ABI3BP: variants seen among roughly 807,000 people sequenced by gnomAD.
ABI3BP encodes target of Nesh-SH3.
In ABI3BP, 216 loss-of-function variants were observed where a neutral mutation model predicts 268.6. That is an observed-to-expected ratio of 0.80 (90% confidence interval 0.72 to 0.90). The LOEUF (loss-of-function observed/expected upper bound fraction) is 0.90, where lower values mean the gene tolerates loss of function less well. Among genes scored for constraint, ABI3BP ranks in the 40% least tolerant of loss-of-function variants. The pLI is 0.00. For synonymous variants in ABI3BP, 730 were observed against 730.0 expected (o/e 1.00, Z 0.00); for missense variants, 2,090 against 2,182.4 (o/e 0.96, Z 0.84).
chr3:100,877,908 T>C (rs68184622), intron 6 of ABI3BP, among the ~76,000 whole-genome samples: 59,894 of 152,014 alleles, frequency 0.39, 13,443 homozygotes, highest in Admixed American at 0.54. Flanking sequence ...TTTTAATAAG[T>C]GATATCCCTC....
intron 14 of ABI3BP, among the ~76,000 whole-genome samples, chr3:100,857,023 T>C (rs1434634028): frequency 3.4e-5 from 5 of 146,406 alleles, no homozygotes; most frequent in African/African-American, 5.2e-5. Context: ...GTAGGGGTAA[T>C]AGGACATTAG....
rs541374166 is a variant in ABI3BP at position 100,798,585 on chromosome 3, A to G, written c.3758-2117T>C. On this transcript the variant is annotated intron_variant, in intron 51 of 67. Transcript: ENST00000471714. ...TATTATTATAATTTTAGATTTAATTATATTAACCAACTTATACCATTTATA... is the reference window on the plus strand; with the variant it reads ...TATTATTATAATTTTAGATTTAATTGTATTAACCAACTTATACCATTTATA... 2.0e-5 allele frequency among the ~76,000 whole-genome samples: 3 copies of G among 152,042 alleles called. No individual in the cohort carries two copies. The South Asian group carries it at 6.2e-4, about 32-fold the overall frequency.
chr3:100,931,021 G>A (rs967720124), intron 1 of ABI3BP: 1 of 152,228 alleles, frequency 6.6e-6, no homozygotes, highest in Non-Finnish European at 1.5e-5. Flanking sequence ...TTTCTGAGTT[G>A]TAAGGTTGGC....
rs575309030 is a variant in ABI3BP, at chr3:100,751,557, T to A, written c.5240A>T (p.Lys1747Ile). The A allele has an allele frequency of 6.7e-5, 107 of 1,587,900 alleles. No homozygotes were observed. The highest frequency in any genetic ancestry group is 8.0e-5 in the Non-Finnish European group (93 of 1,165,832). The change falls in exon 67 of 68, where the codon AAA (lysine) becomes ATA (isoleucine). Residue 1747 changes from lysine (K) to isoleucine (I), a missense_variant. Physicochemically the swap from Lys to Ile is moderately radical, Grantham distance 102. Transcript: ENST00000471714. The part of the protein sequence containing the change: ...QQLTSDQLPI[K>I]EGYFRAVRQE... ...AGGAGGATCAGAAAACATACCTTCT[T>A]TGATTGGTAACTGGTCAGAAGTGAG...
At chr3:100,810,611 C>T (rs1347935021) in intron 48 of ABI3BP, 134 bp from the exon 49 acceptor site, 3 of 584,584 alleles carry the variant, frequency 5.1e-6, no homozygotes, top group Non-Finnish European at 8.8e-6. Flanking sequence ...AAACAGCATT[C>T]CTACTCCTTC....
intron 9 of ABI3BP, 47 bp downstream of exon 9, chr3:100,874,794 T>C (rs945905163): frequency 5.4e-6 from 6 of 1,117,020 alleles, no homozygotes; most frequent in Non-Finnish European, 7.9e-6. Context: ...ATATCAGTGC[T>C]AGTACTCAGT....
At position 100,838,477 on chromosome 3, in the gene ABI3BP, G is replaced by T. The variant is rs2098638837; in HGVS notation, c.1946-13C>A. 1.3e-6 allele frequency: 2 copies of T among 1,532,852 alleles called. No individual in the cohort carries two copies. Among genetic ancestry groups the T allele is most frequent in the East Asian group, 2.4e-5 (1 of 40,894 alleles). 95.0% of individuals were successfully genotyped at this position (1,532,852 alleles called of 1,614,324 possible). A position where few individuals can be genotyped will look rare whatever the true frequency, so the allele number is the denominator to read the frequency against. On this transcript the variant is annotated splice_polypyrimidine_tract_variant and intron_variant, in intron 24 of 67. Coordinates refer to ENST00000471714, the MANE Select transcript of ABI3BP (RefSeq NM_001375547.2). ...GATGGTTTTGAGGCTAAAGAAAAAG[G>T]TATTAAAATTACCACAATGGGTCAT... is the stretch of plus-strand genomic sequence containing the variant.
At chr3:100,894,958 A>AAAAAAAC (rs2046828820) in intron 4 of ABI3BP, among the ~76,000 whole-genome samples, 1 of 144,100 alleles carries the variant, frequency 6.9e-6, no homozygotes, top group Non-Finnish European at 1.5e-5. Flanking sequence ...AAAAAAAAAA[A>AAAAAAAC]AAAAAAAAAC....
chr3:100,789,365 G>C (rs973760358), intron 56 of ABI3BP, 89 bp downstream of exon 56: 1 of 1,246,174 alleles, frequency 8.0e-7, no homozygotes, highest in Non-Finnish European at 1.1e-6. Flanking sequence ...GCAATGTAAG[G>C]GTTCCCCTTT....
chr3:100,838,593 G>A, intron 24 of ABI3BP, 129 bp from the exon 25 acceptor site: 1 of 794,328 alleles, frequency 1.3e-6, no homozygotes, highest in Non-Finnish European at 2.0e-6. Flanking sequence ...GGTGTGGGAA[G>A]GGTGAAAAGA....
intron 9 of ABI3BP, among the ~76,000 whole-genome samples, chr3:100,871,376 T>A (rs2099107551): frequency 6.6e-6 from 1 of 152,204 alleles, no homozygotes; most frequent in African/African-American, 2.4e-5. Flanking sequence ...TTGGGTAGGA[T>A]TTTCCTTTGA....
At chr3:100,852,979 C>A (rs1365819483) in intron 14 of ABI3BP, among the ~76,000 whole-genome samples, 4 of 152,126 alleles carry the variant, frequency 2.6e-5, no homozygotes, top group Admixed American at 6.5e-5. Flanking sequence ...CTTGTCCATT[C>A]AAAATGGCAG....
chr3:100,775,302 G>A lies in ABI3BP; in HGVS notation c.4367C>T (p.Pro1456Leu), dbSNP rs1183515390. ...IISSGPITTPPLRSTPRPTGT... is the reference protein window; with the variant it reads ...IISSGPITTPLLRSTPRPTGT... ...AGTAGGCCTGGGTGTTGACCTCAGG[G>A]GTGGTGTAGTTATTGGGCCTGATGA... The change falls in exon 60 of 68, where the codon CCC becomes CTC. Residue 1456 changes from proline (P) to leucine (L), a missense_variant. Physicochemically the swap from Pro to Leu is moderately conservative, Grantham distance 98. Coordinates refer to ENST00000471714, the MANE Select transcript of ABI3BP (RefSeq NM_001375547.2). The A allele has an allele frequency of 6.2e-7, 1 of 1,608,134 alleles. No homozygotes were observed. Among genetic ancestry groups the A allele is most frequent in the Non-Finnish European group, 8.5e-7 (1 of 1,177,022 alleles).
In ABI3BP at chr3:100,864,736, G is replaced by A. The variant is rs147025888; in HGVS notation, c.1063+97C>T. 1.2e-4 allele frequency: 101 copies of A among 837,858 alleles called. No individual in the cohort carries two copies. The East Asian group carries it at 2.7e-3, about 22-fold the overall frequency. The allele number at this position is 837,858 out of a possible 1,614,324, so 51.9% of individuals were successfully genotyped here. A position where few individuals can be genotyped will look rare whatever the true frequency, so the allele number is the denominator to read the frequency against. On this transcript the variant is annotated intron_variant, in intron 11 of 67. Transcript: ENST00000471714. ...GAAAAGGAGAAAGTGGGGAGGGAGA[G>A]AGAAGTTAAGGCACCAGGTTTCTTT...
chr3:100,883,536 G>T (rs2040441338), intron 6 of ABI3BP, among the ~76,000 whole-genome samples: 1 of 152,020 alleles, frequency 6.6e-6, no homozygotes, highest in African/African-American at 2.4e-5. Context: ...AATAAGTGAA[G>T]AAACTACTGC....
chr3:100,790,554 T>C (rs1282381058), intron 55 of ABI3BP, among the ~76,000 whole-genome samples: 2 of 152,028 alleles, frequency 1.3e-5, no homozygotes, highest in South Asian at 4.1e-4. Flanking sequence ...AAACTTCCAA[T>C]GTAAAGACTG....
At chr3:100,949,682 A>G (rs573809543) in intron 1 of ABI3BP, among the ~76,000 whole-genome samples, 48 of 152,320 alleles carry the variant, frequency 3.2e-4, no homozygotes, top group African/African-American at 1.1e-3. Context: ...CATTGAATCC[A>G]TATGACAATT....
Position 100,749,425 on chromosome 3 carries a change from G to A in ABI3BP, c.*1070C>T. The A allele has an allele frequency of 2.6e-6, 1 of 386,530 alleles. No homozygotes were observed. The highest frequency in any genetic ancestry group is 4.6e-6 in the Non-Finnish European group (1 of 218,424). The allele number at this position is 386,530 out of a possible 1,614,324, so 23.9% of individuals were successfully genotyped here. A position where few individuals can be genotyped will look rare whatever the true frequency, so the allele number is the denominator to read the frequency against. ...TTGATAAGATTGAAGCATGTTGAAA[G>A]GTAAGTACAGGGAAAGGTCCTTTCA... On this transcript the variant is annotated 3_prime_UTR_variant, in exon 68 of 68. Coordinates refer to ENST00000471714, the MANE Select transcript of ABI3BP (RefSeq NM_001375547.2).
At chr3:100,986,956 T>C (rs978312024) in intron 1 of ABI3BP, among the ~76,000 whole-genome samples, 6 of 152,210 alleles carry the variant, frequency 3.9e-5, no homozygotes, top group Non-Finnish European at 8.8e-5. Flanking sequence ...TAGCTGATAC[T>C]ATTTATTTTT....
Sources: allele counts gnomAD v4.1 joint callset (sites outside exome capture counted in the v4.1 genomes callset), GRCh38; gene constraint gnomAD v4.1.1; transcripts MANE v1.5; gene names NCBI Gene and HGNC (gene_info 2026-07-23, HGNC 2026-07-21).